ZNF385D: variants seen among roughly 807,000 people sequenced by gnomAD.
ZNF385D encodes zinc finger protein 659.
ZNF385D carries 15 observed loss-of-function variants against 35.8 expected under a neutral mutation model. The observed-to-expected ratio is 0.42, with a 90% CI of 0.28 to 0.64. The LOEUF is 0.64. Ranked by LOEUF, ZNF385D falls within the 30% of genes least tolerant of loss-of-function variation. ZNF385D has a pLI of 0.23. For synonymous variants in ZNF385D, 212 were observed against 186.8 expected, an observed-to-expected ratio of 1.13 and a Z score of -1.10; for missense variants, 474 against 494.6, an observed-to-expected ratio of 0.96 and a Z score of 0.39.
At chr3:21,719,684 T>C (rs1407531941) in intron 1 of ZNF385D, among the ~76,000 whole-genome samples, 4 of 152,182 alleles carry the variant, frequency 2.6e-5, no homozygotes, top group African/African-American at 7.2e-5. Context: ...TGAATAATCA[T>C]GTAAGACTCT....
intron 2 of ZNF385D, among the ~76,000 whole-genome samples, chr3:22,210,062 A>G (rs1477990889): frequency 6.6e-6 from 1 of 151,768 alleles, no homozygotes; most frequent in African/African-American, 2.4e-5. Flanking sequence ...AATAAAAGAA[A>G]CCTATAGGAA....
At chr3:22,185,442 ATTT>A (rs1387231981) in intron 2 of ZNF385D, among the ~76,000 whole-genome samples, 4 of 152,152 alleles carry the variant, frequency 2.6e-5, no homozygotes, top group Non-Finnish European at 5.9e-5. Context: ...TAATACATGT[ATTT>A]AAATATGATC....
At chr3:21,561,211 C>T (rs1004014511) in intron 3 of ZNF385D, among the ~76,000 whole-genome samples, 9 of 152,162 alleles carry the variant, frequency 5.9e-5, no homozygotes, top group African/African-American at 1.4e-4. Flanking sequence ...AACTCCTTCA[C>T]GTAGCTTGGT....
At chr3:22,163,929 C>G (rs1559419617) in intron 3 of ZNF385D, among the ~76,000 whole-genome samples, 1 of 152,124 alleles carries the variant, frequency 6.6e-6, no homozygotes, top group African/African-American at 2.4e-5. Flanking sequence ...TTTACAGGAT[C>G]TATTATTTGT....
At chr3:21,563,505 G>A (rs1249174620) in intron 3 of ZNF385D, among the ~76,000 whole-genome samples, 1 of 152,144 alleles carries the variant, frequency 6.6e-6, no homozygotes, top group Admixed American at 6.5e-5. Flanking sequence ...AAAATGTAAT[G>A]TTCTCTTCAA....
chr3:22,030,285 A>ATGTATG lies in ZNF385D; in HGVS notation c.325+138531_325+138532insCATACA, dbSNP rs1211853599. Among the ~76,000 whole-genome samples, 28 of 86,730 alleles carry ATGTATG rather than the reference A, an allele frequency of 3.2e-4. 1 individual carries two copies. Among genetic ancestry groups the ATGTATG allele is most frequent in the African/African-American group, 1.5e-3 (26 of 17,450 alleles). The allele number at this position is 86,730 out of a possible 152,430, so 56.9% of individuals were successfully genotyped here. ...TATATATATATATATATATATATAT[A>ATGTATG]TATATATATATATATATCCTATTTG... On this transcript the variant is annotated intron_variant, in intron 3 of 5. Transcript: ENST00000494108.
At chr3:22,272,689 T>C (rs922641902) in intron 2 of ZNF385D, among the ~76,000 whole-genome samples, 3 of 152,076 alleles carry the variant, frequency 2.0e-5, no homozygotes, top group African/African-American at 7.2e-5. Context: ...TCAGAAAATT[T>C]ATTGCATTAA....
At chr3:21,436,289 C>A (rs1485804753) in intron 5 of ZNF385D, among the ~76,000 whole-genome samples, 1 of 152,062 alleles carries the variant, frequency 6.6e-6, no homozygotes, top group East Asian at 1.9e-4. Flanking sequence ...ATTTTCCTCC[C>A]TGCTATGAGA....
chr3:22,090,950 T>C (rs1701300243), intron 3 of ZNF385D, among the ~76,000 whole-genome samples: 1 of 152,032 alleles, frequency 6.6e-6, no homozygotes, highest in Non-Finnish European at 1.5e-5. Flanking sequence ...GAGGAACAGG[T>C]ATACACCATA....
chr3:21,548,172 G>A (rs796972083), intron 3 of ZNF385D, among the ~76,000 whole-genome samples: 22 of 152,198 alleles, frequency 1.4e-4, no homozygotes, highest in African/African-American at 4.1e-4. Context: ...CGCCATTTGG[G>A]AGCCTAAATT....
chr3:21,932,696 C>T lies in ZNF385D; in HGVS notation c.325+236121G>A, dbSNP rs148975414. ...TGGAATAGTAAGCCATCTCACTTTA[C>T]TTCTTGACTTTATGGTTTCTCAAGC... On this transcript the variant is annotated intron_variant, in intron 3 of 5. Coordinates refer to the ZNF385D transcript ENST00000494108. 2.5e-3 allele frequency among the ~76,000 whole-genome samples: 376 copies of T among 151,924 alleles called. 1 individual carries two copies. The highest frequency in any genetic ancestry group is 8.6e-3 in the African/African-American group (358 of 41,444).
intron 1 of ZNF385D, among the ~76,000 whole-genome samples, chr3:21,685,365 A>G (rs941395508): frequency 6.6e-6 from 1 of 152,236 alleles, no homozygotes; most frequent in African/African-American, 2.4e-5. Context: ...ATTAAGCTTA[A>G]CAAAGAGAAA....
intron 3 of ZNF385D, among the ~76,000 whole-genome samples, chr3:22,017,268 CAT>C (rs1183962060): frequency 6.6e-6 from 1 of 152,014 alleles, no homozygotes. Context: ...CACATACAGA[CAT>C]AGTGAATTTT....
intron 3 of ZNF385D, among the ~76,000 whole-genome samples, chr3:21,552,513 G>A (rs1431535776): frequency 1.3e-5 from 2 of 152,098 alleles, no homozygotes; most frequent in Non-Finnish European, 2.9e-5. Context: ...ATAATTTAAA[G>A]GTTGGTATGT....
intron 3 of ZNF385D, among the ~76,000 whole-genome samples, chr3:21,853,672 G>C (rs1375821073): frequency 1.3e-5 from 2 of 151,574 alleles, no homozygotes; most frequent in East Asian, 3.9e-4. Flanking sequence ...TTTGAGCCTC[G>C]ATTTTATTAC....
chr3:21,471,270 C>CTT, intron 4 of ZNF385D, among the ~76,000 whole-genome samples: 1 of 109,076 alleles, frequency 9.2e-6, no homozygotes, highest in African/African-American at 3.7e-5. Flanking sequence ...CTCTCTCTCT[C>CTT]TCTTTCTCTC....
chr3:21,756,516 G>A (rs1274326519), intron 3 of ZNF385D, among the ~76,000 whole-genome samples: 1 of 152,024 alleles, frequency 6.6e-6, no homozygotes, highest in Non-Finnish European at 1.5e-5. Context: ...CAAAGGAGAT[G>A]TTTGGGATTC....
At chr3:22,138,638 C>T (rs1364299555) in intron 3 of ZNF385D, among the ~76,000 whole-genome samples, 1 of 151,866 alleles carries the variant, frequency 6.6e-6, no homozygotes, top group South Asian at 2.1e-4. Flanking sequence ...AACTGGATCC[C>T]TTCCTTACAC....
intron 3 of ZNF385D, among the ~76,000 whole-genome samples, chr3:21,533,764 A>G (rs1322972444): frequency 6.6e-6 from 1 of 152,156 alleles, no homozygotes; most frequent in Non-Finnish European, 1.5e-5. Flanking sequence ...TATTTTTAAA[A>G]GACTATTTGA....
Sources: gnomAD v4.1 joint callset for allele counts (sites outside exome capture counted in the v4.1 genomes callset) on GRCh38, gnomAD v4.1.1 for gene constraint, MANE v1.5 for transcripts, NCBI Gene and HGNC (gene_info 2026-07-23, HGNC 2026-07-21) for gene names.